ARG2: variants seen among roughly 807,000 people sequenced by gnomAD.
ARG2 encodes the protein arginase 2.
A neutral mutation model predicts 39.4 loss-of-function variants in ARG2; 21 were observed. The ratio of observed to expected loss-of-function variants is 0.53; its 90% CI spans 0.38 to 0.77. The LOEUF (loss-of-function observed/expected upper bound fraction) is 0.77. Ranked by LOEUF, ARG2 falls within the 30% of genes least tolerant of loss-of-function variation. The pLI is 0.00. For synonymous variants in ARG2, 150 were observed against 156.7 expected, an observed-to-expected ratio of 0.96 and a Z score of 0.32; for missense variants, 378 against 426.2, an observed-to-expected ratio of 0.89 and a Z score of 1.00.
chr14:67,637,325 C>T (rs2036982160), intron 2 of ARG2, among the ~76,000 whole-genome samples: 1 of 150,830 alleles, frequency 6.6e-6, no homozygotes, highest in South Asian at 2.1e-4. Flanking sequence ...GCAGCAGAGC[C>T]CCTTGAACCA....
intron 2 of ARG2, among the ~76,000 whole-genome samples, chr14:67,627,121 A>G (rs2036874010): frequency 6.6e-6 from 1 of 152,166 alleles, no homozygotes; most frequent in Non-Finnish European, 1.5e-5. Flanking sequence ...TTGTAGAATT[A>G]GGTAGTGTCG....
intron 7 of ARG2, chr14:67,649,263 T>G (rs2037140964): frequency 6.6e-6 from 1 of 152,176 alleles, no homozygotes; most frequent in Non-Finnish European, 1.5e-5. Context: ...GGTTCATACC[T>G]ATAATCCCAG....
At chr14:67,639,293 T>C (rs1018916398) in intron 2 of ARG2, among the ~76,000 whole-genome samples, 1 of 152,204 alleles carries the variant, frequency 6.6e-6, no homozygotes, top group Non-Finnish European at 1.5e-5. Flanking sequence ...CTGTGACTTA[T>C]CCACTGGATT....
At chr14:67,624,943 G>C (rs2036847462) in intron 2 of ARG2, among the ~76,000 whole-genome samples, 1 of 152,146 alleles carries the variant, frequency 6.6e-6, no homozygotes, top group Non-Finnish European at 1.5e-5. Flanking sequence ...CCGATAGCCT[G>C]CAATCACAGT....
At chr14:67,647,901 C>G in intron 6 of ARG2, 146 bp from the exon 7 acceptor site, 10 of 773,544 alleles carry the variant, frequency 1.3e-5, no homozygotes, top group Non-Finnish European at 1.8e-5. Context: ...GAATAGGAAG[C>G]CTGGAAATGT....
At chr14:67,638,183 CAGTT>C (rs1388009943) in intron 2 of ARG2, among the ~76,000 whole-genome samples, 1 of 152,074 alleles carries the variant, frequency 6.6e-6, no homozygotes, top group African/African-American at 2.4e-5. Context: ...TTTGCTATGA[CAGTT>C]AATTTACTCT....
At chr14:67,639,061 T>C (rs1275443665) in intron 2 of ARG2, among the ~76,000 whole-genome samples, 1 of 152,234 alleles carries the variant, frequency 6.6e-6, no homozygotes, top group Non-Finnish European at 1.5e-5. Context: ...TTCTAGCACC[T>C]GTAATGAGAG....
At chr14:67,641,182 G>A (rs1289373628) in intron 2 of ARG2, among the ~76,000 whole-genome samples, 4 of 152,108 alleles carry the variant, frequency 2.6e-5, no homozygotes, top group Non-Finnish European at 5.9e-5. Context: ...TGCACAAGAT[G>A]ATTTAAAATA....
In ARG2 at chr14:67,651,272, T is replaced by G; in HGVS notation, c.*352T>G. The G allele has an allele frequency of 1.9e-6, 3 of 1,588,566 alleles. No homozygotes were observed. Among genetic ancestry groups the G allele is most frequent in the Non-Finnish European group, 2.6e-6 (3 of 1,168,200 alleles). On this transcript the variant is annotated 3_prime_UTR_variant, in exon 8 of 8. Coordinates refer to ENST00000261783, the MANE Select transcript of ARG2 (RefSeq NM_001172.4). ...CTCCTCCCACAGCCTGGCTATACAG[T>G]GCATCCTTGAACTGTCAGCCCACAG... is the stretch of plus-strand genomic sequence containing the variant.
At chr14:67,645,595 CAT>C in intron 3 of ARG2, 46 bp from the exon 4 acceptor site, 1 of 1,583,768 alleles carries the variant, frequency 6.3e-7, no homozygotes. Context: ...TGTTATCGGT[CAT>C]GTTTGCCAAG....
At chr14:67,628,461 C>A (rs1485429047) in intron 2 of ARG2, among the ~76,000 whole-genome samples, 1 of 152,122 alleles carries the variant, frequency 6.6e-6, no homozygotes, top group Non-Finnish European at 1.5e-5. Flanking sequence ...TAGTGATGTG[C>A]CTGCATAGAG....
At chr14:67,639,052 T>C (rs1430124292) in intron 2 of ARG2, among the ~76,000 whole-genome samples, 1 of 152,240 alleles carries the variant, frequency 6.6e-6, no homozygotes, top group African/African-American at 2.4e-5. Flanking sequence ...TAGTAACCCT[T>C]CTAGCACCTG....
At chr14:67,638,624 G>A (rs2036997426) in intron 2 of ARG2, among the ~76,000 whole-genome samples, 1 of 152,146 alleles carries the variant, frequency 6.6e-6, no homozygotes, top group African/African-American at 2.4e-5. Context: ...TTATAGAGTT[G>A]AGTTCGTTCT....
intron 2 of ARG2, among the ~76,000 whole-genome samples, chr14:67,641,489 T>C (rs1260501010): frequency 6.6e-6 from 1 of 152,200 alleles, no homozygotes; most frequent in Non-Finnish European, 1.5e-5. Context: ...ATCCACCAAA[T>C]AGGCACATTT....
Position 67,650,834 on chromosome 14 carries a change from A to C in ARG2, c.979A>C (p.Arg327=), listed in dbSNP as rs185767649. 5.2e-5 allele frequency: 84 copies of C among 1,614,202 alleles called. No homozygotes were observed. The highest frequency in any genetic ancestry group is 6.7e-5 in the Non-Finnish European group (79 of 1,180,022). ...DVIASSFGQT[R]EGGHIVYDQL... ...GATTGCTTCAAGCTTTGGTCAGACA[A>C]GAGAAGGAGGGCATATTGTCTATGA... Residue 327 remains arginine (R), a synonymous_variant, in exon 8 of 8, where the codon AGA becomes CGA. Coordinates refer to ENST00000261783, the MANE Select transcript of ARG2 (RefSeq NM_001172.4).
At chr14:67,623,624 C>A (rs111602116) in intron 2 of ARG2, among the ~76,000 whole-genome samples, 7,175 of 150,106 alleles carry the variant, frequency 0.048, 528 homozygotes, top group African/African-American at 0.16. Context: ...TCACTGCAAC[C>A]TCCGCCTCCC....
rs770467324 is a variant in ARG2 at position 67,620,932 on chromosome 14, A to G, written c.150A>G (p.Arg50=). 27 of 1,614,170 alleles carry G rather than the reference A, an allele frequency of 1.7e-5. No homozygotes were observed. The highest frequency in any genetic ancestry group is 1.6e-4 in the Middle Eastern group (1 of 6,062). Reference sequence around the variant, plus strand: ...TGGAGCATGGTCCCGCTGCCATAAGAGAAGCTGGCTTGATGAAAAGGCTCT... The same window carrying G: ...TGGAGCATGGTCCCGCTGCCATAAGGGAAGCTGGCTTGATGAAAAGGCTCT... ...KGVEHGPAAI[R]EAGLMKRLSS... Residue 50 remains arginine, a synonymous_variant, in exon 2 of 8, where the codon AGA becomes AGG. Coordinates refer to ENST00000261783, the MANE Select transcript of ARG2 (RefSeq NM_001172.4).
chr14:67,647,001 G>C lies in ARG2; in HGVS notation c.698G>C (p.Arg233Pro), dbSNP rs568264895. The change falls in exon 6 of 8, where the codon CGA (arginine) becomes CCA (proline). Residue 233 changes from arginine (R) to proline (P), a missense_variant. Arg to Pro is a moderately radical substitution (Grantham distance 103, BLOSUM62 -2). Transcript: ENST00000261783. ...DRLGIQKVMERTFDLLIGKRQ... is the reference protein window; with the variant it reads ...DRLGIQKVMEPTFDLLIGKRQ... ...CTTGGTATCCAGAAGGTCATGGAAC[G>C]AACATTTGATCTGCTGATTGGCAAG... 1.2e-6 allele frequency: 2 copies of C among 1,611,972 alleles called. No homozygotes were observed. The highest frequency in any genetic ancestry group is 8.5e-7 in the Non-Finnish European group (1 of 1,178,302).
intron 3 of ARG2, among the ~76,000 whole-genome samples, chr14:67,644,700 T>A (rs2140774305): frequency 6.6e-6 from 1 of 152,250 alleles, no homozygotes; most frequent in South Asian, 2.1e-4. Context: ...AAATACACTT[T>A]AAGATCTTAT....
Sources: gnomAD v4.1 joint callset for allele counts (sites outside exome capture counted in the v4.1 genomes callset) on GRCh38, gnomAD v4.1.1 for gene constraint, MANE v1.5 for transcripts, NCBI Gene and HGNC (gene_info 2026-07-23, HGNC 2026-07-21) for gene names.